TRPC4: variants seen among roughly 807,000 people sequenced by gnomAD.
The protein encoded by TRPC4 is transient receptor potential cation channel subfamily C member 4.
In TRPC4, 49 loss-of-function variants were observed where a neutral mutation model predicts 99.4. The ratio of observed to expected loss-of-function variants is 0.49; its 90% confidence interval spans 0.39 to 0.63. TRPC4 has a LOEUF of 0.63. TRPC4 is among the 20% of genes least tolerant of loss of function. TRPC4 has a pLI of 0.00. For synonymous variants in TRPC4, 454 were observed against 425.9 expected, an observed-to-expected ratio of 1.07 and a Z score of -0.81; for missense variants, 898 against 1,152.9, an observed-to-expected ratio of 0.78 and a Z score of 3.20.
intron 3 of TRPC4, among the ~76,000 whole-genome samples, chr13:37,702,123 T>G (rs138756910): frequency 1.3e-5 from 2 of 152,290 alleles, no homozygotes; most frequent in Non-Finnish European, 2.9e-5. Context: ...TTCCAATCTC[T>G]GCCTCTGCCA....
intron 2 of TRPC4, among the ~76,000 whole-genome samples, chr13:37,770,795 C>T (rs993885053): frequency 6.6e-5 from 10 of 151,482 alleles, no homozygotes; most frequent in East Asian, 1.9e-4. Context: ...TAAAATATTT[C>T]GTATTGATTC....
intron 1 of TRPC4, among the ~76,000 whole-genome samples, chr13:37,860,180 T>C (rs1959224146): frequency 6.6e-6 from 1 of 151,482 alleles, no homozygotes; most frequent in Non-Finnish European, 1.5e-5. Flanking sequence ...TAAACTGTTT[T>C]TAAAATAAAC....
chr13:37,666,254 G>A (rs1047221408), intron 5 of TRPC4, among the ~76,000 whole-genome samples: 1 of 152,282 alleles, frequency 6.6e-6, no homozygotes, highest in East Asian at 1.9e-4. Flanking sequence ...CACGGTATGA[G>A]TTCTGAGACA....
intron 1 of TRPC4, among the ~76,000 whole-genome samples, chr13:37,824,391 A>G (rs1958133049): frequency 6.6e-6 from 1 of 151,108 alleles, no homozygotes; most frequent in Admixed American, 6.6e-5. Flanking sequence ...CCCATTCAGT[A>G]TGATATTGGC....
intron 4 of TRPC4, among the ~76,000 whole-genome samples, chr13:37,678,337 TAA>T (rs1185361668): frequency 6.6e-6 from 1 of 152,004 alleles, no homozygotes; most frequent in East Asian, 1.9e-4. Flanking sequence ...CTAGTTTTCT[TAA>T]GTGGTCAATA....
intron 1 of TRPC4, among the ~76,000 whole-genome samples, chr13:37,797,801 G>T (rs1470865009): frequency 6.6e-6 from 1 of 152,074 alleles, no homozygotes; most frequent in Non-Finnish European, 1.5e-5. Flanking sequence ...GACTTTTTGG[G>T]CAAAGGAATT....
chr13:37,818,743 T>C (rs748603984), intron 1 of TRPC4, among the ~76,000 whole-genome samples: 9 of 151,398 alleles, frequency 5.9e-5, no homozygotes, highest in Non-Finnish European at 1.2e-4. Flanking sequence ...TAAGTGGGAG[T>C]TGAACAATGA....
At chr13:37,826,746 G>T (rs2139569197) in intron 1 of TRPC4, among the ~76,000 whole-genome samples, 1 of 152,220 alleles carries the variant, frequency 6.6e-6, no homozygotes, top group African/African-American at 2.4e-5. Flanking sequence ...TGACAATTAT[G>T]TGTCTTGGAG....
chr13:37,707,933 C>T (rs933806644), intron 3 of TRPC4, among the ~76,000 whole-genome samples: 6 of 152,066 alleles, frequency 3.9e-5, no homozygotes, highest in African/African-American at 9.7e-5. Context: ...AGGAACTGTG[C>T]CTTTTCACTT....
At chr13:37,647,998 A>T (rs1288756569) in intron 8 of TRPC4, among the ~76,000 whole-genome samples, 5 of 152,144 alleles carry the variant, frequency 3.3e-5, no homozygotes, top group Non-Finnish European at 7.3e-5. Flanking sequence ...GCTGGAGTGC[A>T]GTGGTGCGAT....
chr13:37,833,109 G>A (rs2139601330), intron 1 of TRPC4, among the ~76,000 whole-genome samples: 1 of 151,850 alleles, frequency 6.6e-6, no homozygotes, highest in East Asian at 1.9e-4. Context: ...TTGATTTGGT[G>A]CTTTTGCTTC....
chr13:37,753,609 A>AGAGAGAGAGAGAG (rs1566145539), intron 2 of TRPC4, among the ~76,000 whole-genome samples: 5 of 104,978 alleles, frequency 4.8e-5, no homozygotes, highest in Admixed American at 2.2e-4. Context: ...GAGAGAGAGA[A>AGAGAGAGAGAGAG]AGAAAGAAAG....
intron 2 of TRPC4, among the ~76,000 whole-genome samples, chr13:37,763,054 A>G (rs927959634): frequency 4.0e-5 from 6 of 151,502 alleles, no homozygotes; most frequent in African/African-American, 1.5e-4. Flanking sequence ...TTGGCCTTGA[A>G]CAGGATTTTT....
At chr13:37,865,894 T>C (rs922200178) in intron 1 of TRPC4, among the ~76,000 whole-genome samples, 1 of 151,822 alleles carries the variant, frequency 6.6e-6, no homozygotes, top group African/African-American at 2.4e-5. Flanking sequence ...AAGGTAGATG[T>C]TAAGATAACA....
At position 37,723,364 on chromosome 13, in the gene TRPC4, A is replaced by G. The variant is rs79364272; in HGVS notation, c.897+22573T>C. On this transcript the variant is annotated intron_variant, in intron 3 of 10. Coordinates refer to ENST00000379705, the MANE Select transcript of TRPC4 (RefSeq NM_016179.4). ...ACCTAATCCAATAGAAAAATAGACA[A>G]GATATAATCATACAAAAAACGCAAA... is the stretch of plus-strand genomic sequence containing the variant. 7.9e-5 allele frequency among the ~76,000 whole-genome samples: 12 copies of G among 152,172 alleles called. No homozygotes were observed. In the East Asian group the frequency reaches 1.7e-3, roughly 22 times the overall value.
chr13:37,853,802 G>T (rs1959115982), intron 1 of TRPC4, among the ~76,000 whole-genome samples: 1 of 151,984 alleles, frequency 6.6e-6, no homozygotes, highest in Admixed American at 6.6e-5. Context: ...GAATGCATCA[G>T]AGTAACTTAA....
intron 3 of TRPC4, among the ~76,000 whole-genome samples, chr13:37,734,179 C>A (rs1232057370): frequency 6.6e-6 from 1 of 152,148 alleles, no homozygotes; most frequent in South Asian, 2.1e-4. Context: ...CTGAATAAAT[C>A]CTATTTTTCC....
chr13:37,716,874 G>A (rs2991010), intron 3 of TRPC4, among the ~76,000 whole-genome samples: 10,979 of 152,068 alleles, frequency 0.072, 396 homozygotes, highest in South Asian at 0.1. Context: ...TCTTGTGTAC[G>A]TCTGAGTTCT....
intron 7 of TRPC4, among the ~76,000 whole-genome samples, chr13:37,651,841 T>G (rs1478731207): frequency 6.6e-6 from 1 of 152,256 alleles, no homozygotes; most frequent in African/African-American, 2.4e-5. Flanking sequence ...CAAAGCCTTG[T>G]ATTCCTGCTT....
Sources: allele counts gnomAD v4.1 joint callset (sites outside exome capture counted in the v4.1 genomes callset), GRCh38; gene constraint gnomAD v4.1.1; transcripts MANE v1.5; gene names NCBI Gene and HGNC (gene_info 2026-07-23, HGNC 2026-07-21).